Variants in SCN8A observed in about 807,000 individuals in gnomAD.
The protein encoded by SCN8A is sodium channel protein type 8 subunit alpha.
SCN8A carries 30 observed loss-of-function variants against 184.1 expected under a neutral mutation model. The observed-to-expected ratio is 0.16, with a 90% CI of 0.12 to 0.22. The LOEUF is 0.22. SCN8A is among the 10% of genes least tolerant of loss of function. SCN8A has a pLI of 1.00. For synonymous variants in SCN8A, 852 were observed against 907.0 expected, an observed-to-expected ratio of 0.94 and a Z score of 1.09; for missense variants, 1,057 against 2,498.9, an observed-to-expected ratio of 0.42 and a Z score of 12.30.
At chr12:51,621,380 A>G (rs551464321) in intron 1 of SCN8A, among the ~76,000 whole-genome samples, 3 of 152,322 alleles carry the variant, frequency 2.0e-5, no homozygotes, top group East Asian at 1.9e-4. Context: ...TCTTTCCCAC[A>G]GGATAGCCAA....
intron 24 of SCN8A, among the ~76,000 whole-genome samples, chr12:51,790,012 A>G (rs1938195510): frequency 1.3e-5 from 2 of 152,258 alleles, no homozygotes; most frequent in Non-Finnish European, 2.9e-5. Flanking sequence ...ATTGGCTATC[A>G]GCCAGGACAC....
chr12:51,766,110 TAGTCCTTCTA>T, intron 16 of SCN8A, 83 bp downstream of exon 16: 1 of 1,036,268 alleles, frequency 9.7e-7, no homozygotes, highest in Admixed American at 1.7e-5. Context: ...TTCTACTGCT[TAGTCCTTCTA>T]CTACCCGTCA....
chr12:51,686,352 C>T lies in SCN8A; in HGVS notation c.396-16C>T, dbSNP rs1053361960. 25 of 1,558,870 alleles carry T rather than the reference C, an allele frequency of 1.6e-5. No individual in the cohort carries two copies. In the Admixed American group the frequency reaches 4.1e-4, roughly 25 times the overall value. On this transcript the variant is annotated splice_polypyrimidine_tract_variant and intron_variant, in intron 3 of 26. Coordinates refer to ENST00000627620, the MANE Select transcript of SCN8A (RefSeq NM_001330260.2). Reference sequence around the variant, plus strand: ...GGCAGGCCAGATTTTAATATTGCCCCTTGACTCTTCTCTACAGTATTTAGC... The same window carrying T: ...GGCAGGCCAGATTTTAATATTGCCCTTTGACTCTTCTCTACAGTATTTAGC...
intron 14 of SCN8A, among the ~76,000 whole-genome samples, chr12:51,758,623 A>G (rs1942714680): frequency 6.6e-6 from 1 of 152,126 alleles, no homozygotes; most frequent in Non-Finnish European, 1.5e-5. Context: ...TTTTTAGTAG[A>G]GATGGAGTTT....
At chr12:51,745,824 A>T in intron 12 of SCN8A, 79 bp from the exon 13 acceptor site, 2 of 1,187,508 alleles carry the variant, frequency 1.7e-6, no homozygotes, top group Non-Finnish European at 2.3e-6. Context: ...CACACACTGG[A>T]CTGTGTATCA....
chr12:51,630,214 CAGA>C (rs1235295698), intron 1 of SCN8A, among the ~76,000 whole-genome samples: 4 of 151,998 alleles, frequency 2.6e-5, no homozygotes, highest in Non-Finnish European at 5.9e-5. Flanking sequence ...CATCCATTTC[CAGA>C]AGGTTTTTAT....
At chr12:51,780,600 T>TTC in intron 20 of SCN8A, 49 bp from the exon 21 acceptor site, 1 of 426,500 alleles carries the variant, frequency 2.3e-6, no homozygotes, top group Non-Finnish European at 3.9e-6. Context: ...TTTTTTTTTT[T>TTC]TTTTGGTTAC....
intron 14 of SCN8A, among the ~76,000 whole-genome samples, chr12:51,755,738 G>C (rs1168050111): frequency 6.6e-6 from 1 of 152,076 alleles, no homozygotes; most frequent in Non-Finnish European, 1.5e-5. Context: ...AGCTAGCCGT[G>C]GATATTGCAA....
At chr12:51,612,708 T>G (rs1472713561) in intron 1 of SCN8A, among the ~76,000 whole-genome samples, 1 of 152,128 alleles carries the variant, frequency 6.6e-6, no homozygotes, top group African/African-American at 2.4e-5. Context: ...TTCTCCTATA[T>G]TGTTGGATAT....
rs1216898399 is a variant in SCN8A, at chr12:51,645,946, C to A, written c.-54-16818C>A. Among the ~76,000 whole-genome samples, 77 of 36,034 alleles carry A rather than the reference C, an allele frequency of 2.1e-3. 1 individual carries two copies. Among genetic ancestry groups the A allele is most frequent in the African/African-American group, 8.4e-3 (74 of 8,762 alleles). The allele number at this position is 36,034 out of a possible 152,430, so 23.6% of individuals were successfully genotyped here. On this transcript the variant is annotated intron_variant, in intron 1 of 26. Transcript: ENST00000627620. ...TCTGCGAGAAACACCCAAGAATGAT[C>A]AATTAAAAAAAAAAAAAAATAATAA...
At chr12:51,599,836 C>T (rs1018785733) in intron 1 of SCN8A, among the ~76,000 whole-genome samples, 4 of 152,050 alleles carry the variant, frequency 2.6e-5, no homozygotes, top group Non-Finnish European at 5.9e-5. Flanking sequence ...GTGTGTTTAA[C>T]GTTTTTCTAA....
chr12:51,810,254 T>TAA lies in SCN8A; in HGVS notation c.*2834_*2835dup. The TAA allele has an allele frequency of 8.4e-6, 2 of 237,508 alleles. No homozygotes were observed. Among genetic ancestry groups the TAA allele is most frequent in the Non-Finnish European group, 1.7e-5 (2 of 114,868 alleles). 14.7% of individuals were successfully genotyped at this position (237,508 alleles called of 1,614,324 possible). On this transcript the variant is annotated 3_prime_UTR_variant, in exon 27 of 27. Transcript: ENST00000627620. Reference sequence around the variant, plus strand: ...CCGCTGTATTTGAAGTTTCACTTTTTAAAAAAAAAATGTTTCCCACCTTTT... The same window carrying TAA: ...CCGCTGTATTTGAAGTTTCACTTTTTAAAAAAAAAAAATGTTTCCCACCTTTT...
chr12:51,736,594 A>G (rs1347216185), intron 12 of SCN8A, among the ~76,000 whole-genome samples: 1 of 152,202 alleles, frequency 6.6e-6, no homozygotes, highest in Non-Finnish European at 1.5e-5. Flanking sequence ...AGATATTGCA[A>G]TAGCAACTAG....
intron 25 of SCN8A, among the ~76,000 whole-genome samples, chr12:51,791,446 A>G (rs575756389): frequency 1.8e-4 from 28 of 152,262 alleles, no homozygotes; most frequent in African/African-American, 6.5e-4. Flanking sequence ...AATCCTGGAA[A>G]TAAGCACCAG....
At chr12:51,745,828 T>G in intron 12 of SCN8A, 75 bp from the exon 13 acceptor site, 1 of 1,239,248 alleles carries the variant, frequency 8.1e-7, no homozygotes. Flanking sequence ...CACTGGACTG[T>G]GTATCAAGTA....
intron 11 of SCN8A, among the ~76,000 whole-genome samples, chr12:51,712,059 A>G (rs1407705258): frequency 6.6e-6 from 1 of 152,144 alleles, no homozygotes; most frequent in Non-Finnish European, 1.5e-5. Flanking sequence ...ATGTAGAAAA[A>G]CTGAACTACA....
chr12:51,769,812 T>C, intron 17 of SCN8A, 56 bp from the exon 18 acceptor site: 1 of 1,101,546 alleles, frequency 9.1e-7, no homozygotes, highest in African/African-American at 1.6e-5. Context: ...GTTCTCAGTG[T>C]GGAGTGGGCA....
chr12:51,609,371 G>A (rs1939666897), intron 1 of SCN8A, among the ~76,000 whole-genome samples: 1 of 152,178 alleles, frequency 6.6e-6, no homozygotes, highest in Admixed American at 6.5e-5. Context: ...GATGACCTGT[G>A]TAGTGCCGTT....
intron 19 of SCN8A, among the ~76,000 whole-genome samples, chr12:51,772,035 A>G (rs1942932775): frequency 6.6e-6 from 1 of 152,204 alleles, no homozygotes; most frequent in South Asian, 2.1e-4. Context: ...TATTTGTCTT[A>G]ATGATTAAGC....
Sources: allele counts gnomAD v4.1 joint callset (sites outside exome capture counted in the v4.1 genomes callset), GRCh38; gene constraint gnomAD v4.1.1; transcripts MANE v1.5; gene names NCBI Gene and HGNC (gene_info 2026-07-23, HGNC 2026-07-21).